Variants in PI4KA observed in about 807,000 individuals in gnomAD.
The protein encoded by PI4KA is phosphatidylinositol 4-kinase alpha, also known as PI4-kinase alpha.
PI4KA carries 122 observed loss-of-function variants against 271.4 expected under a neutral mutation model. The ratio of observed to expected loss-of-function variants is 0.45; its 90% confidence interval spans 0.39 to 0.52. The LOEUF (loss-of-function observed/expected upper bound fraction) is 0.52. PI4KA is among the 20% of genes least tolerant of loss of function. The pLI is 0.00. For synonymous variants in PI4KA, 1,041 were observed against 1,078.8 expected (o/e 0.96, Z 0.69); for missense variants, 1,969 against 2,769.1 (o/e 0.71, Z 6.48).
chr22:20,742,168 G>A (rs965405110), intron 32 of PI4KA, 60 bp downstream of exon 32: 34 of 1,564,802 alleles, frequency 2.2e-5, no homozygotes, highest in Middle Eastern at 1.8e-4. Context: ...CACCAGGGAA[G>A]GCTCTTCCCG....
At position 20,714,703 on chromosome 22, in the gene PI4KA, G is replaced by A. The variant is rs1374038307; in HGVS notation, c.5318-3C>T. On this transcript the variant is annotated splice_polypyrimidine_tract_variant and splice_region_variant and intron_variant, in intron 45 of 54. Transcript: ENST00000255882. ...AGGGTTGCTGGGCAGGTAGCAGCCT[G>A]TGCAGGGACAGAGGCAGTCACAGGG... 8.7e-6 allele frequency: 14 copies of A among 1,613,600 alleles called. No homozygotes were observed. The highest frequency in any genetic ancestry group is 1.7e-5 in the Admixed American group (1 of 59,964).
At chr22:20,713,827 T>C (rs1013279491) in intron 47 of PI4KA, among the ~76,000 whole-genome samples, 12 of 152,246 alleles carry the variant, frequency 7.9e-5, no homozygotes, top group Admixed American at 3.9e-4. Context: ...CCGTCTGTAC[T>C]GGGTTGAAGA....
intron 32 of PI4KA, chr22:20,736,828 C>A (rs1299451413): frequency 6.5e-6 from 1 of 153,592 alleles, no homozygotes; most frequent in Admixed American, 6.5e-5. Flanking sequence ...AAGGGTCACA[C>A]TGGCATCTAC....
At chr22:20,750,043 G>C in intron 27 of PI4KA, 49 bp from the exon 28 acceptor site, 1 of 1,234,232 alleles carries the variant, frequency 8.1e-7, no homozygotes, top group South Asian at 1.2e-5. Flanking sequence ...CAGTTCATCT[G>C]AGCTGCCGTA....
chr22:20,803,241 G>A lies in PI4KA; in HGVS notation c.1541C>T (p.Pro514Leu). Reference protein sequence around the residue: ...TPSLRDFLVIPSPVLVKLYKY... With the variant: ...TPSLRDFLVILSPVLVKLYKY... Reference sequence around the variant, plus strand: ...GTAGAGCTTCACCAGAACTGGGGACGGGATGACCAGGAAGTCTCGCAAGGA... The same window carrying A: ...GTAGAGCTTCACCAGAACTGGGGACAGGATGACCAGGAAGTCTCGCAAGGA... The change falls in exon 13 of 55, where the codon CCG becomes CTG. Residue 514 changes from proline to leucine, a missense_variant. Coordinates refer to ENST00000255882, the MANE Select transcript of PI4KA (RefSeq NM_058004.4). 6 of 1,614,062 alleles carry A rather than the reference G, an allele frequency of 3.7e-6. No individual in the cohort carries two copies. The highest frequency in any genetic ancestry group is 3.3e-4 in the Middle Eastern group (2 of 6,060).
At chr22:20,748,184 G>T (rs938141706) in intron 28 of PI4KA, among the ~76,000 whole-genome samples, 1 of 152,272 alleles carries the variant, frequency 6.6e-6, no homozygotes, top group African/African-American at 2.4e-5. Flanking sequence ...ACCAGCTACT[G>T]CTCATTTGAC....
rs115129494 is a variant in PI4KA at position 20,829,483 on chromosome 22, T to C, written c.368-5069A>G. Among the ~76,000 whole-genome samples the C allele has an allele frequency of 4.0e-3, 611 of 152,220 alleles. 5 individuals carry two copies. Among genetic ancestry groups the C allele is most frequent in the African/African-American group, 0.014 (591 of 41,554 alleles). On this transcript the variant is annotated intron_variant, in intron 3 of 54. Coordinates refer to ENST00000255882, the MANE Select transcript of PI4KA (RefSeq NM_058004.4). ...TCTGGGTTGGGTTTTTTTATTATTA[T>C]TATTTCTGTGGAGTCACTGGTAATG... is the stretch of plus-strand genomic sequence containing the variant.
intron 3 of PI4KA, 55 bp from the exon 4 acceptor site, chr22:20,824,469 C>T (rs910450731): frequency 2.3e-5 from 29 of 1,258,578 alleles, no homozygotes; most frequent in African/African-American, 3.0e-5. Flanking sequence ...CTGGGTCACA[C>T]CTCTGGCCAT....
chr22:20,759,564 C>T (rs114772353), intron 23 of PI4KA, among the ~76,000 whole-genome samples: 4,475 of 151,494 alleles, frequency 0.03, 86 homozygotes, highest in Middle Eastern at 0.062. Context: ...CCACCACGCT[C>T]GGCTTATTTA....
chr22:20,796,586 C>T (rs1935000551), intron 17 of PI4KA, among the ~76,000 whole-genome samples: 1 of 152,262 alleles, frequency 6.6e-6, no homozygotes, highest in Non-Finnish European at 1.5e-5. Flanking sequence ...AAGTTCTAGG[C>T]ATCTGCAACA....
intron 8 of PI4KA, 152 bp from the exon 9 acceptor site, chr22:20,811,184 T>C: frequency 1.5e-6 from 1 of 657,892 alleles, no homozygotes; most frequent in Non-Finnish European, 2.7e-6. Flanking sequence ...TGTATCAAAC[T>C]ATATGCACAA....
intron 41 of PI4KA, 100 bp downstream of exon 41, chr22:20,727,130 G>T: frequency 9.3e-7 from 1 of 1,070,700 alleles, no homozygotes. Flanking sequence ...GTATGTAACG[G>T]GGCGACCTCA....
Position 20,855,150 on chromosome 22 carries a change from C to CA in PI4KA, c.156+3419dup, listed in dbSNP as rs361996. ...CTGGGCAACAAGAGTGAAACTGTCT[C>CA]AAAAAAAAAAAAAAAAGAACAAGAA... On this transcript the variant is annotated intron_variant, in intron 1 of 54. Transcript: ENST00000255882. Among the ~76,000 whole-genome samples, 498 of 121,464 alleles carry CA rather than the reference C, an allele frequency of 4.1e-3. 3 individuals carry two copies. Among genetic ancestry groups the CA allele is most frequent in the East Asian group, 0.011 (50 of 4,390 alleles). 79.7% of individuals were successfully genotyped at this position (121,464 alleles called of 152,430 possible).
At chr22:20,762,716 T>C (rs751462279) in intron 22 of PI4KA, among the ~76,000 whole-genome samples, 1 of 152,168 alleles carries the variant, frequency 6.6e-6, no homozygotes, top group Non-Finnish European at 1.5e-5. Context: ...GTTTTGGCTG[T>C]TTTTTCTTTG....
intron 36 of PI4KA, among the ~76,000 whole-genome samples, chr22:20,731,513 C>G (rs1452505342): frequency 1.3e-5 from 2 of 150,998 alleles, no homozygotes; most frequent in East Asian, 3.9e-4. Context: ...CAGAAGGTCT[C>G]AGCCAGGCAA....
intron 9 of PI4KA, among the ~76,000 whole-genome samples, chr22:20,807,953 G>GAA (rs200885842): frequency 7.3e-6 from 1 of 137,734 alleles, no homozygotes; most frequent in African/African-American, 2.7e-5. Flanking sequence ...TTCTTCTTCT[G>GAA]AAAAAAAAAA....
chr22:20,759,900 A>G (rs1403551698), intron 23 of PI4KA, among the ~76,000 whole-genome samples: 3 of 151,930 alleles, frequency 2.0e-5, no homozygotes, highest in Non-Finnish European at 4.4e-5. Flanking sequence ...GGGTTTCACC[A>G]TGTTGGCCAG....
rs113251278 is a variant in PI4KA, at chr22:20,848,841, ACAT to A, written c.156+9726_156+9728del. 7.3e-3 allele frequency among the ~76,000 whole-genome samples: 1,115 copies of A among 152,278 alleles called. 11 individuals are homozygous for A. The highest frequency in any genetic ancestry group is 0.025 in the African/African-American group (1,038 of 41,564). On this transcript the variant is annotated intron_variant, in intron 1 of 54. Transcript: ENST00000255882. ...AAAGAAAAAAAAAATGACAAAATGGACATCATCAAAATTTAAAACTTTTGTACT... is the reference window on the plus strand; with the variant it reads ...AAAGAAAAAAAAAATGACAAAATGGACATCAAAATTTAAAACTTTTGTACT...
Position 20,734,455 on chromosome 22 carries a change from C to A in PI4KA, c.3840G>T (p.Ser1280=). 6.2e-7 allele frequency: 1 copy of A among 1,613,108 alleles called. No individual in the cohort carries two copies. The highest frequency in any genetic ancestry group is 1.3e-5 in the African/African-American group (1 of 74,744). The change falls in exon 33 of 55, where the codon TCG becomes TCT. Residue 1280 remains serine, a synonymous_variant. Coordinates refer to ENST00000255882, the MANE Select transcript of PI4KA (RefSeq NM_058004.4). ...GACAGGGTTTGGGTTGACTTGCTTC[C>A]GAGGCAGCCAGGGGGTCTGCTTCCT... The part of the protein sequence containing the change: ...EIKEADPLAA[S]EASQPKPCPP...
Sources: gnomAD v4.1 joint callset for allele counts (sites outside exome capture counted in the v4.1 genomes callset) on GRCh38, gnomAD v4.1.1 for gene constraint, MANE v1.5 for transcripts, NCBI Gene and HGNC (gene_info 2026-07-23, HGNC 2026-07-21) for gene names.